Variants in RPS6KA2 observed in about 807,000 individuals in gnomAD.
RPS6KA2 encodes the protein ribosomal protein S6 kinase A2, also known as ribosomal protein S6 kinase alpha-2.
Under a neutral mutation model 91.8 loss-of-function variants are expected in RPS6KA2, and 42 were observed. The ratio of observed to expected loss-of-function variants is 0.46; its 90% CI spans 0.36 to 0.59. RPS6KA2 has a LOEUF of 0.59. Among genes scored for constraint, RPS6KA2 ranks in the 20% least tolerant of loss-of-function variants. The probability of loss-of-function intolerance (pLI) is 0.00; values close to 1 mark genes in which losing one functional copy is unlikely to be tolerated. For synonymous variants in RPS6KA2, 414 were observed against 393.6 expected, an observed-to-expected ratio of 1.05 and a Z score of -0.61; for missense variants, 798 against 978.5, an observed-to-expected ratio of 0.82 and a Z score of 2.46.
At chr6:166,678,113 T>C (rs1354838840) in intron 2 of RPS6KA2, among the ~76,000 whole-genome samples, 2 of 152,204 alleles carry the variant, frequency 1.3e-5, no homozygotes, top group Non-Finnish European at 2.9e-5. Flanking sequence ...GCTGTGTTCA[T>C]ACCAACAGCC....
chr6:166,515,825 C>G (rs1376533361), intron 3 of RPS6KA2, among the ~76,000 whole-genome samples: 2 of 152,202 alleles, frequency 1.3e-5, no homozygotes, highest in African/African-American at 4.8e-5. Flanking sequence ...CAAAGTCACC[C>G]CTCTGCTCAC....
At chr6:166,488,143 A>G (rs1583197532) in intron 10 of RPS6KA2, among the ~76,000 whole-genome samples, 2 of 152,194 alleles carry the variant, frequency 1.3e-5, no homozygotes, top group East Asian at 3.9e-4. Flanking sequence ...AAATAACCTG[A>G]AACACCCTGC....
rs534749886 is a variant in RPS6KA2 at position 166,662,898 on chromosome 6, C to T, written c.124-124114G>A. ...CTTAGAAGAAGAGGAAGTCTGAATA[C>T]GCAGAGACACCGGGGCCGCCTCTGT... On this transcript the variant is annotated intron_variant, in intron 2 of 21. Coordinates refer to the RPS6KA2 transcript ENST00000503859. This position sits in a 1 kb window ranked among gnomAD's most constrained non-coding sequence, Gnocchi z 4.3. Among the ~76,000 whole-genome samples, 4 of 151,984 alleles carry T rather than the reference C, an allele frequency of 2.6e-5. No homozygotes were observed. The highest frequency in any genetic ancestry group is 7.3e-5 in the African/African-American group (3 of 41,344).
intron 1 of RPS6KA2, among the ~76,000 whole-genome samples, chr6:166,570,877 T>C (rs1784665273): frequency 1.3e-5 from 2 of 152,262 alleles, no homozygotes; most frequent in Admixed American, 6.5e-5. Flanking sequence ...AGACTGAGTA[T>C]GTTAATTCTC....
chr6:166,720,357 A>C (rs1217713662), intron 2 of RPS6KA2, among the ~76,000 whole-genome samples: 1 of 152,240 alleles, frequency 6.6e-6, no homozygotes, highest in African/African-American at 2.4e-5. Context: ...CAGGTTTCTA[A>C]TCATTATAAT....
intron 8 of RPS6KA2, among the ~76,000 whole-genome samples, chr6:166,497,057 G>A (rs943972323): frequency 7.2e-5 from 11 of 152,126 alleles, no homozygotes; most frequent in African/African-American, 2.7e-4. Context: ...CCTCCAAGAC[G>A]GCAAAGCAAA....
At chr6:166,785,410 T>C (rs547666608) in intron 2 of RPS6KA2, among the ~76,000 whole-genome samples, 1 of 152,270 alleles carries the variant, frequency 6.6e-6, no homozygotes, top group Non-Finnish European at 1.5e-5. Flanking sequence ...TTTCAGTTTA[T>C]GGGAGCTGTT....
chr6:166,754,845 G>A (rs1190209321), intron 2 of RPS6KA2, among the ~76,000 whole-genome samples: 2 of 152,202 alleles, frequency 1.3e-5, no homozygotes, highest in African/African-American at 4.8e-5. Flanking sequence ...TGGTCTCAGG[G>A]AAGGGCTCTG....
At chr6:166,466,295 G>A (rs565447456) in intron 11 of RPS6KA2, among the ~76,000 whole-genome samples, 12 of 152,206 alleles carry the variant, frequency 7.9e-5, no homozygotes, top group Non-Finnish European at 1.6e-4. Context: ...CTCAGAGCTC[G>A]CCGGACCTCA....
intron 2 of RPS6KA2, among the ~76,000 whole-genome samples, chr6:166,839,684 A>AGGGCAGGGGAGGGGAGGG (rs1360878613): frequency 2.5e-4 from 6 of 23,862 alleles, no homozygotes; most frequent in East Asian, 7.6e-3. Context: ...TCAGAGCAGG[A>AGGGCAGGGGAGGGGAGGG]GAGGAGAGGG....
chr6:166,484,957 C>A (rs1186034108), intron 10 of RPS6KA2, among the ~76,000 whole-genome samples: 2 of 152,238 alleles, frequency 1.3e-5, no homozygotes, highest in Non-Finnish European at 2.9e-5. Flanking sequence ...TACCTTAGTG[C>A]AGTGCCAAGG....
chr6:166,521,118 G>A (rs1299303051), intron 3 of RPS6KA2, among the ~76,000 whole-genome samples: 1 of 152,248 alleles, frequency 6.6e-6, no homozygotes, highest in Non-Finnish European at 1.5e-5. Context: ...GGAGCAGGTG[G>A]CAAAGGCTGG....
chr6:166,550,894 G>C (rs565225020), intron 1 of RPS6KA2, among the ~76,000 whole-genome samples: 10 of 151,274 alleles, frequency 6.6e-5, no homozygotes, highest in African/African-American at 2.4e-4. Context: ...CCAGCTACTC[G>C]GGAGGCTGAG....
At chr6:166,520,530 C>T (rs983907448) in intron 3 of RPS6KA2, among the ~76,000 whole-genome samples, 1 of 152,132 alleles carries the variant, frequency 6.6e-6, no homozygotes, top group East Asian at 1.9e-4. Context: ...TATATCCATC[C>T]CGTTGGTTGT....
intron 3 of RPS6KA2, among the ~76,000 whole-genome samples, chr6:166,514,488 C>A (rs914792953): frequency 3.9e-5 from 6 of 152,168 alleles, no homozygotes; most frequent in Admixed American, 6.5e-5. Context: ...AGGATACAGG[C>A]CAAGGGATGG....
chr6:166,413,008 C>CA lies in RPS6KA2; in HGVS notation c.2077-122dup. On this transcript the variant is annotated intron_variant, in intron 20 of 20. Coordinates refer to ENST00000265678, the MANE Select transcript of RPS6KA2 (RefSeq NM_021135.6). Reference sequence around the variant, plus strand: ...AACGTGGGAGAAACCAGAGCTTCCCCAGGGTCCCTGGAGCATGGAGTGCTG... The same window carrying CA: ...AACGTGGGAGAAACCAGAGCTTCCCCAAGGGTCCCTGGAGCATGGAGTGCTG... The CA allele has an allele frequency of 2.7e-6, 3 of 1,113,182 alleles. No individual in the cohort carries two copies. In the South Asian group the frequency reaches 5.1e-5, roughly 19 times the overall value. The allele number at this position is 1,113,182 out of a possible 1,614,324, so 69.0% of individuals were successfully genotyped here.
chr6:166,612,569 T>C lies in RPS6KA2; in HGVS notation c.99+14352A>G, dbSNP rs1291129426. Among the ~76,000 whole-genome samples the C allele has an allele frequency of 6.6e-6, 1 of 152,158 alleles. No homozygotes were observed. Among genetic ancestry groups the C allele is most frequent in the African/African-American group, 2.4e-5 (1 of 41,420 alleles). ...AATGATGAGCTCTGAGCTGGGGCCT[T>C]GCTGCCCGACTGCCTCCACTAATCC... On this transcript the variant is annotated intron_variant, in intron 1 of 20. Coordinates refer to ENST00000265678, the MANE Select transcript of RPS6KA2 (RefSeq NM_021135.6). The surrounding 1 kb of genome is among the most constrained non-coding windows in gnomAD (Gnocchi z 4.3).
intron 2 of RPS6KA2, among the ~76,000 whole-genome samples, chr6:166,833,589 G>C (rs1002834479): frequency 6.6e-6 from 1 of 152,176 alleles, no homozygotes; most frequent in Non-Finnish European, 1.5e-5. Context: ...GGACACCACT[G>C]GTCTACAGGT....
chr6:166,697,553 C>G (rs1789393037), intron 2 of RPS6KA2, among the ~76,000 whole-genome samples: 1 of 152,184 alleles, frequency 6.6e-6, no homozygotes, highest in South Asian at 2.1e-4. Context: ...GAAACTGACC[C>G]AGTTTAAACT....
Sources: allele counts gnomAD v4.1 joint callset (sites outside exome capture counted in the v4.1 genomes callset), GRCh38; gene constraint gnomAD v4.1.1; non-coding constraint Gnocchi (gnomAD v3.1); transcripts MANE v1.5; gene names NCBI Gene and HGNC (gene_info 2026-07-23, HGNC 2026-07-21).